AGBL1: variants seen among roughly 807,000 people sequenced by gnomAD.
AGBL1 encodes AGBL carboxypeptidase 1.
In AGBL1, 130 loss-of-function variants were observed where a neutral mutation model predicts 118.9. The ratio of observed to expected loss-of-function variants is 1.09; its 90% CI spans 0.95 to 1.26. The LOEUF (loss-of-function observed/expected upper bound fraction) is 1.26. Ranked by LOEUF, AGBL1 falls within the 50% of genes most tolerant of loss-of-function variation. The probability of loss-of-function intolerance (pLI) is 0.00; values close to 1 mark genes in which losing one functional copy is unlikely to be tolerated. For synonymous variants in AGBL1, 555 were observed against 478.9 expected (o/e 1.16, Z -2.08); for missense variants, 1,584 against 1,298.1 (o/e 1.22, Z -3.38).
intron 18 of AGBL1, among the ~76,000 whole-genome samples, chr15:86,433,504 G>T (rs1423805890): frequency 3.3e-5 from 5 of 152,042 alleles, no homozygotes; most frequent in Non-Finnish European, 7.4e-5. Context: ...AAGAAAACCA[G>T]TTGCTCCCAA....
At chr15:86,656,390 AG>A (rs1030592319) in intron 21 of AGBL1, among the ~76,000 whole-genome samples, 5 of 152,140 alleles carry the variant, frequency 3.3e-5, no homozygotes, top group African/African-American at 4.8e-5. Context: ...CTGGGGCTTT[AG>A]GGGGGTTGCC....
chr15:86,387,469 G>T (rs367604715), intron 17 of AGBL1, among the ~76,000 whole-genome samples: 2 of 152,230 alleles, frequency 1.3e-5, no homozygotes, highest in East Asian at 3.9e-4. Context: ...GCTGCTGTGT[G>T]GCTGGACCAG....
At chr15:86,811,095 T>G (rs1454279535) in intron 22 of AGBL1, among the ~76,000 whole-genome samples, 1 of 152,200 alleles carries the variant, frequency 6.6e-6, no homozygotes, top group East Asian at 1.9e-4. Context: ...TTGCCCCATT[T>G]ATTGGAGCTA....
At chr15:86,275,168 G>A (rs1184340568) in intron 15 of AGBL1, among the ~76,000 whole-genome samples, 1 of 152,132 alleles carries the variant, frequency 6.6e-6, no homozygotes, top group Non-Finnish European at 1.5e-5. Flanking sequence ...AGTAATTTTG[G>A]TGCTGAAGGG....
intron 21 of AGBL1, among the ~76,000 whole-genome samples, chr15:86,594,428 A>C (rs1162574133): frequency 6.6e-5 from 10 of 152,254 alleles, no homozygotes; most frequent in Middle Eastern, 3.4e-3. Flanking sequence ...TGTAATAAAA[A>C]ATGTTCTTTT....
intron 6 of AGBL1, among the ~76,000 whole-genome samples, chr15:86,245,735 A>G (rs2078709598): frequency 6.6e-6 from 1 of 152,176 alleles, no homozygotes; most frequent in Admixed American, 6.5e-5. Context: ...GATATGAGAA[A>G]GCTCCATACT....
rs532379064 is a variant in AGBL1, at chr15:86,859,916, T to C, written c.3159-47171T>C. On this transcript the variant is annotated intron_variant, in intron 22 of 22. Transcript: ENST00000614907. ...CTTAAAGATACTGTCGAGTTTGCTA[T>C]CCAAAGTGAGATGATGAGACTTCCC... Among the ~76,000 whole-genome samples the C allele has an allele frequency of 3.1e-3, 476 of 152,300 alleles. 5 individuals are homozygous for C. Among genetic ancestry groups the C allele is most frequent in the African/African-American group, 0.011 (440 of 41,560 alleles).
At chr15:86,778,045 A>C (rs1469852367) in intron 22 of AGBL1, among the ~76,000 whole-genome samples, 1 of 152,166 alleles carries the variant, frequency 6.6e-6, no homozygotes, top group Non-Finnish European at 1.5e-5. Flanking sequence ...GACAGAGTAC[A>C]AAAGAGAGAA....
At chr15:86,535,479 A>G (rs953856432) in intron 19 of AGBL1, among the ~76,000 whole-genome samples, 32 of 152,318 alleles carry the variant, frequency 2.1e-4, no homozygotes, top group African/African-American at 7.7e-4. Flanking sequence ...GTGCTGTTCA[A>G]GTAATTGGGG....
At chr15:86,817,255 G>T (rs183818690) in intron 22 of AGBL1, among the ~76,000 whole-genome samples, 56 of 143,894 alleles carry the variant, frequency 3.9e-4, no homozygotes, top group African/African-American at 1.4e-3. Context: ...TAGTGCGATT[G>T]TACTCTAGCC....
At chr15:86,210,816 G>A (rs1205778066) in intron 5 of AGBL1, among the ~76,000 whole-genome samples, 2 of 152,138 alleles carry the variant, frequency 1.3e-5, no homozygotes, top group Non-Finnish European at 2.9e-5. Flanking sequence ...GCCTGCTTCT[G>A]TGAGCTCGTC....
chr15:86,834,651 G>A (rs948199400), intron 22 of AGBL1, among the ~76,000 whole-genome samples: 1 of 152,144 alleles, frequency 6.6e-6, no homozygotes, highest in African/African-American at 2.4e-5. Context: ...TTGACCTTAT[G>A]TGTCTCTAGG....
intron 1 of AGBL1, among the ~76,000 whole-genome samples, chr15:86,128,690 A>G (rs1303520218): frequency 3.3e-5 from 5 of 152,168 alleles, no homozygotes; most frequent in Admixed American, 1.3e-4. Flanking sequence ...TAACTTACCT[A>G]TGTTCCCTTT....
intron 5 of AGBL1, among the ~76,000 whole-genome samples, chr15:86,192,312 T>C (rs1336105022): frequency 6.7e-6 from 1 of 150,020 alleles, no homozygotes; most frequent in Non-Finnish European, 1.5e-5. Context: ...CATTTTATTA[T>C]ATATTTATAT....
At chr15:86,838,451 C>T (rs1486343288) in intron 22 of AGBL1, among the ~76,000 whole-genome samples, 1 of 152,064 alleles carries the variant, frequency 6.6e-6, no homozygotes, top group Non-Finnish European at 1.5e-5. Flanking sequence ...ATTTCTGCTG[C>T]TGCAAGTTCT....
At chr15:86,139,464 C>G (rs1051960312) in intron 1 of AGBL1, among the ~76,000 whole-genome samples, 1 of 152,150 alleles carries the variant, frequency 6.6e-6, no homozygotes, top group African/African-American at 2.4e-5. Flanking sequence ...TAGTGGATTT[C>G]TGTTTCTTGC....
intron 17 of AGBL1, among the ~76,000 whole-genome samples, chr15:86,318,973 TG>T (rs2080063423): frequency 6.6e-6 from 1 of 152,156 alleles, no homozygotes; most frequent in Non-Finnish European, 1.5e-5. Flanking sequence ...CGTACAGTCT[TG>T]CTACCAGCAA....
In AGBL1 at chr15:86,809,054, AAGG is replaced by A. The variant is rs145978601; in HGVS notation, c.3159-98030_3159-98028del. Among the ~76,000 whole-genome samples the A allele has an allele frequency of 4.6e-3, 707 of 152,296 alleles. 15 individuals are homozygous for A. The highest frequency in any genetic ancestry group is 0.016 in the African/African-American group (670 of 41,566). ...AACAATTTTTATGAATATCTAAAAA[AAGG>A]AGAGGCTTGCTATGTACATTGTTTC... On this transcript the variant is annotated intron_variant, in intron 22 of 22. Coordinates refer to ENST00000614907, the MANE Select transcript of AGBL1 (RefSeq NM_001386094.1).
At chr15:86,946,742 G>A (rs1376760506) in intron 23 of AGBL1, among the ~76,000 whole-genome samples, 1 of 149,800 alleles carries the variant, frequency 6.7e-6, no homozygotes, top group Non-Finnish European at 1.5e-5. Flanking sequence ...AGCTACTCGG[G>A]AGGCTGAGGC....
Sources: gnomAD v4.1 joint callset for allele counts (sites outside exome capture counted in the v4.1 genomes callset) on GRCh38, gnomAD v4.1.1 for gene constraint, MANE v1.5 for transcripts, NCBI Gene and HGNC (gene_info 2026-07-23, HGNC 2026-07-21) for gene names.